The following CNTNAP2 variants were observed in gnomAD, a reference collection of about 807,000 sequenced individuals.
CNTNAP2 encodes contactin-associated protein-like 2.
A neutral mutation model predicts 155.2 loss-of-function variants in CNTNAP2; 98 were observed. The ratio of observed to expected loss-of-function variants is 0.63; its 90% CI spans 0.54 to 0.75. The LOEUF is 0.75. CNTNAP2 is among the 30% of genes least tolerant of loss of function. The probability of loss-of-function intolerance (pLI) is 0.00; values close to 1 mark genes in which losing one functional copy is unlikely to be tolerated. For missense variants in CNTNAP2, 1,727 were observed against 1,688.1 expected, an observed-to-expected ratio of 1.02 and a Z score of -0.40; for synonymous variants, 651 against 631.2, an observed-to-expected ratio of 1.03 and a Z score of -0.47.
intron 8 of CNTNAP2, among the ~76,000 whole-genome samples, chr7:147,251,464 T>TA (rs1251974044): frequency 2.0e-5 from 3 of 152,106 alleles, no homozygotes; most frequent in Admixed American, 1.3e-4. Flanking sequence ...GTAGGTAGGT[T>TA]ATGTGTGGTT....
At chr7:146,230,279 C>G (rs1009160251) in intron 1 of CNTNAP2, among the ~76,000 whole-genome samples, 1 of 152,124 alleles carries the variant, frequency 6.6e-6, no homozygotes, top group South Asian at 2.1e-4. Flanking sequence ...CAAAAGAATT[C>G]TGCTCCACTT....
At chr7:147,104,698 G>A (rs10246728) in intron 4 of CNTNAP2, among the ~76,000 whole-genome samples, 4,748 of 150,222 alleles carry the variant, frequency 0.032, 209 homozygotes, top group African/African-American at 0.093. Context: ...TCTTTTATAA[G>A]TGTCTTTTAT....
At chr7:147,820,633 T>C (rs1467530426) in intron 13 of CNTNAP2, among the ~76,000 whole-genome samples, 2 of 152,108 alleles carry the variant, frequency 1.3e-5, no homozygotes, top group Non-Finnish European at 2.9e-5. Context: ...CTTCCAAAAG[T>C]TTCATAATTT....
intron 4 of CNTNAP2, among the ~76,000 whole-genome samples, chr7:147,083,627 CTG>C (rs1311289147): frequency 1.4e-5 from 2 of 141,228 alleles, no homozygotes; most frequent in East Asian, 2.0e-4. Context: ...AAAAATATAT[CTG>C]TATGTGTGTA....
At chr7:146,946,011 T>A (rs758089596) in intron 3 of CNTNAP2, among the ~76,000 whole-genome samples, 14 of 152,082 alleles carry the variant, frequency 9.2e-5, no homozygotes, top group Non-Finnish European at 1.9e-4. Context: ...AAGAGAGACC[T>A]TTGGTGGGTT....
chr7:148,125,702 G>GTT (rs1169497898), intron 16 of CNTNAP2, among the ~76,000 whole-genome samples: 11 of 124,116 alleles, frequency 8.9e-5, no homozygotes, highest in East Asian at 2.4e-4. Context: ...TATATATATA[G>GTT]TTTTTTTTTT....
At chr7:147,324,231 G>A (rs543771954) in intron 9 of CNTNAP2, among the ~76,000 whole-genome samples, 1 of 151,972 alleles carries the variant, frequency 6.6e-6, no homozygotes, top group Non-Finnish European at 1.5e-5. Flanking sequence ...GTTTATCCCA[G>A]TACACTAAAA....
intron 1 of CNTNAP2, among the ~76,000 whole-genome samples, chr7:146,520,526 A>G (rs1584961508): frequency 6.6e-6 from 1 of 151,566 alleles, no homozygotes; most frequent in East Asian, 1.9e-4. Context: ...TCATTTCCTA[A>G]GCTAGATACT....
At chr7:146,232,793 T>G (rs1423530478) in intron 1 of CNTNAP2, among the ~76,000 whole-genome samples, 1 of 151,992 alleles carries the variant, frequency 6.6e-6, no homozygotes, top group East Asian at 1.9e-4. Flanking sequence ...TCAAAGACAT[T>G]GACATTTGAC....
intron 11 of CNTNAP2, among the ~76,000 whole-genome samples, chr7:147,507,045 G>A (rs1252830015): frequency 6.6e-6 from 1 of 152,166 alleles, no homozygotes; most frequent in Non-Finnish European, 1.5e-5. Flanking sequence ...TGCATGTGAA[G>A]TGGATGTTCA....
At chr7:146,537,152 T>C (rs1797881674) in intron 1 of CNTNAP2, among the ~76,000 whole-genome samples, 1 of 152,084 alleles carries the variant, frequency 6.6e-6, no homozygotes, top group Admixed American at 6.6e-5. Flanking sequence ...AGAAATTTTG[T>C]TGGATTCTGA....
At chr7:146,321,124 C>T (rs772290128) in intron 1 of CNTNAP2, among the ~76,000 whole-genome samples, 1 of 151,752 alleles carries the variant, frequency 6.6e-6, no homozygotes, top group African/African-American at 2.4e-5. Context: ...ATATTTTTAC[C>T]TTAAAGATGA....
intron 13 of CNTNAP2, among the ~76,000 whole-genome samples, chr7:147,790,570 C>T (rs533725147): frequency 6.6e-6 from 1 of 152,318 alleles, no homozygotes; most frequent in Non-Finnish European, 1.5e-5. Context: ...CATATTATTT[C>T]CATGTTGTTA....
chr7:146,252,560 G>A (rs1799771951), intron 1 of CNTNAP2, among the ~76,000 whole-genome samples: 1 of 152,112 alleles, frequency 6.6e-6, no homozygotes, highest in African/African-American at 2.4e-5. Flanking sequence ...AGAGAGGATG[G>A]GATCTGAAAA....
chr7:148,051,971 C>T (rs1308155679), intron 15 of CNTNAP2, among the ~76,000 whole-genome samples: 1 of 152,060 alleles, frequency 6.6e-6, no homozygotes, highest in African/African-American at 2.4e-5. Context: ...AACCCTGTCT[C>T]TACTAAAAAT....
At chr7:146,537,535 A>G (rs1054523453) in intron 1 of CNTNAP2, among the ~76,000 whole-genome samples, 1 of 152,072 alleles carries the variant, frequency 6.6e-6, no homozygotes, top group African/African-American at 2.4e-5. Flanking sequence ...AAAATATGTC[A>G]CGTCAGATGG....
intron 1 of CNTNAP2, among the ~76,000 whole-genome samples, chr7:146,550,087 A>G (rs1305461171): frequency 6.6e-6 from 1 of 152,118 alleles, no homozygotes; most frequent in African/African-American, 2.4e-5. Flanking sequence ...AAACATAAAA[A>G]TTAAAGGGAT....
intron 16 of CNTNAP2, among the ~76,000 whole-genome samples, chr7:148,136,205 G>A (rs62471727): frequency 0.07 from 10,573 of 152,014 alleles, 452 homozygotes; most frequent in Non-Finnish European, 0.1. Flanking sequence ...AGCAAAGATG[G>A]GCTCAGCAGG....
chr7:148,249,855 C>T (rs1294125314), intron 20 of CNTNAP2, among the ~76,000 whole-genome samples: 4 of 152,192 alleles, frequency 2.6e-5, no homozygotes, highest in African/African-American at 7.2e-5. Context: ...ATCTGCTGCT[C>T]GGGCTCCAGA....
Sources: allele counts gnomAD v4.1 joint callset (sites outside exome capture counted in the v4.1 genomes callset), GRCh38; gene constraint gnomAD v4.1.1; transcripts MANE v1.5; gene names NCBI Gene and HGNC (gene_info 2026-07-23, HGNC 2026-07-21).